Variants in PARD3B observed in about 807,000 individuals in gnomAD.
The protein encoded by PARD3B is partitioning defective 3 homolog B.
In PARD3B, 103 loss-of-function variants were observed where a neutral mutation model predicts 130.2. That is an observed-to-expected ratio of 0.79 (90% confidence interval 0.67 to 0.93). PARD3B has a LOEUF of 0.93. Among genes scored for constraint, PARD3B ranks in the 40% least tolerant of loss-of-function variants. The pLI, the probability that PARD3B is intolerant of heterozygous loss-of-function variation, is 0.00. For synonymous variants in PARD3B, 583 were observed against 553.2 expected, an observed-to-expected ratio of 1.05 and a Z score of -0.76; for missense variants, 1,609 against 1,499.2, an observed-to-expected ratio of 1.07 and a Z score of -1.21.
At chr2:204,622,596 T>C (rs995561520) in intron 1 of PARD3B, among the ~76,000 whole-genome samples, 4 of 151,744 alleles carry the variant, frequency 2.6e-5, no homozygotes, top group African/African-American at 9.7e-5. Flanking sequence ...TTTATAGAAT[T>C]ATATTTATAT....
At chr2:205,497,514 T>C (rs1488036828) in intron 20 of PARD3B, among the ~76,000 whole-genome samples, 2 of 150,800 alleles carry the variant, frequency 1.3e-5, no homozygotes, top group Non-Finnish European at 2.9e-5. Context: ...TGCTTTTAGG[T>C]ACCTCATATT....
chr2:205,459,460 A>G (rs2048377719), intron 20 of PARD3B, among the ~76,000 whole-genome samples: 1 of 152,190 alleles, frequency 6.6e-6, no homozygotes. Flanking sequence ...TTAGAAGGAT[A>G]AAAAGAAATT....
intron 18 of PARD3B, among the ~76,000 whole-genome samples, chr2:205,399,499 C>A: frequency 6.6e-6 from 1 of 151,594 alleles, no homozygotes; most frequent in Non-Finnish European, 1.5e-5. Flanking sequence ...GGACTACAGG[C>A]ATGCACCACG....
intron 18 of PARD3B, among the ~76,000 whole-genome samples, chr2:205,327,708 A>G (rs1574710161): frequency 6.6e-6 from 1 of 152,196 alleles, no homozygotes; most frequent in East Asian, 1.9e-4. Context: ...CTTTTCAAAC[A>G]AAGAGAAAGA....
chr2:205,351,124 T>C lies in PARD3B; in HGVS notation c.2630+49423T>C, dbSNP rs1182931268. ...TGATATTTTTTCAAAAGGTGAATAT[T>C]TTCTGGAATAAAATACAGAGTTGAA... On this transcript the variant is annotated intron_variant, in intron 18 of 22. Coordinates refer to ENST00000406610, the MANE Select transcript of PARD3B (RefSeq NM_001302769.2). This position sits in a 1 kb window ranked among gnomAD's most constrained non-coding sequence, Gnocchi z 4.2. 6.6e-6 allele frequency among the ~76,000 whole-genome samples: 1 copy of C among 152,188 alleles called. No homozygotes were observed. The highest frequency in any genetic ancestry group is 1.5e-5 in the Non-Finnish European group (1 of 68,022).
intron 6 of PARD3B, among the ~76,000 whole-genome samples, chr2:205,118,432 A>T: frequency 6.6e-6 from 1 of 152,208 alleles, no homozygotes; most frequent in Non-Finnish European, 1.5e-5. Flanking sequence ...GCTTCCTTCT[A>T]AACTGAGTAA....
rs112843317 is a variant in PARD3B at position 205,263,146 on chromosome 2, C to T, written c.2185+17324C>T. Among the ~76,000 whole-genome samples, 2 of 152,072 alleles carry T rather than the reference C, an allele frequency of 1.3e-5. No homozygotes were observed. The highest frequency in any genetic ancestry group is 2.4e-5 in the African/African-American group (1 of 41,404). On this transcript the variant is annotated intron_variant, in intron 16 of 22. Coordinates refer to ENST00000406610, the MANE Select transcript of PARD3B (RefSeq NM_001302769.2). This position sits in a 1 kb window ranked among gnomAD's most constrained non-coding sequence, Gnocchi z 4.0. ...GATATGTTATTCCCTTTTCTAAGCT[C>T]ATCTGTGTTCTGAATCTGTACCCAA...
intron 20 of PARD3B, among the ~76,000 whole-genome samples, chr2:205,445,759 C>T (rs147886472): frequency 6.6e-6 from 1 of 152,272 alleles, no homozygotes; most frequent in Non-Finnish European, 1.5e-5. Context: ...CATATAATGG[C>T]AGATTAAATC....
At chr2:205,210,168 C>T (rs544341472) in intron 15 of PARD3B, among the ~76,000 whole-genome samples, 2 of 151,922 alleles carry the variant, frequency 1.3e-5, no homozygotes, top group East Asian at 3.9e-4. Context: ...GAGTTTGAGA[C>T]CAGCCTCAGC....
intron 1 of PARD3B, among the ~76,000 whole-genome samples, chr2:204,586,685 A>G (rs1306050121): frequency 2.0e-5 from 3 of 152,170 alleles, no homozygotes; most frequent in Non-Finnish European, 2.9e-5. Flanking sequence ...ACTTTCCAAC[A>G]TACCCACAAG....
intron 21 of PARD3B, among the ~76,000 whole-genome samples, chr2:205,519,271 T>C (rs1559171199): frequency 6.6e-6 from 1 of 152,238 alleles, no homozygotes; most frequent in Non-Finnish European, 1.5e-5. Flanking sequence ...GTTTTGTTCA[T>C]TTTTTAAATT....
intron 22 of PARD3B, among the ~76,000 whole-genome samples, chr2:205,607,839 C>T (rs57842095): frequency 0.27 from 21,273 of 77,894 alleles, 1,608 homozygotes; most frequent in Middle Eastern, 0.37. Context: ...CATACACACA[C>T]ACACACACAC....
chr2:205,557,569 C>G (rs917331614), intron 22 of PARD3B, among the ~76,000 whole-genome samples: 1 of 152,224 alleles, frequency 6.6e-6, no homozygotes, highest in African/African-American at 2.4e-5. Flanking sequence ...CACTTACCAC[C>G]TGTGTGGCCT....
intron 18 of PARD3B, among the ~76,000 whole-genome samples, chr2:205,331,552 C>T (rs1422120418): frequency 1.3e-5 from 2 of 151,820 alleles, no homozygotes; most frequent in Non-Finnish European, 2.9e-5. Context: ...GAGGCCGAGG[C>T]GGGTGGATCA....
At chr2:204,986,871 C>T (rs1251336827) in intron 3 of PARD3B, among the ~76,000 whole-genome samples, 2 of 152,180 alleles carry the variant, frequency 1.3e-5, no homozygotes, top group Non-Finnish European at 2.9e-5. Flanking sequence ...TCTCAATAGT[C>T]ATGTGTTGCA....
chr2:205,475,941 G>T (rs888575363), intron 20 of PARD3B, among the ~76,000 whole-genome samples: 2 of 152,136 alleles, frequency 1.3e-5, no homozygotes, highest in Non-Finnish European at 2.9e-5. Context: ...GACAAGCTCT[G>T]TGATTTGGTC....
rs973463754 is a variant in PARD3B at position 205,421,129 on chromosome 2, C to CA, written c.2742-19235dup. ...CTGGTAACAGAGCAAGACTCCATCT[C>CA]AAAAAACAAAAAAAACAAAACAAAA... On this transcript the variant is annotated intron_variant, in intron 19 of 22. Transcript: ENST00000406610. This position sits in a 1 kb window ranked among gnomAD's most constrained non-coding sequence, Gnocchi z 5.1. 3.4e-5 allele frequency among the ~76,000 whole-genome samples: 5 copies of CA among 148,074 alleles called. No homozygotes were observed. Among genetic ancestry groups the CA allele is most frequent in the African/African-American group, 1.3e-4 (5 of 38,800 alleles).
At chr2:205,601,832 T>C (rs2054797419) in intron 22 of PARD3B, among the ~76,000 whole-genome samples, 1 of 145,628 alleles carries the variant, frequency 6.9e-6, no homozygotes, top group South Asian at 2.5e-4. Context: ...ACAGAGACAG[T>C]CTGACTTCCT....
chr2:205,546,014 G>A (rs923197353), intron 21 of PARD3B, among the ~76,000 whole-genome samples: 3 of 152,138 alleles, frequency 2.0e-5, no homozygotes, highest in Non-Finnish European at 4.4e-5. Context: ...GTAAAGAAAA[G>A]ACTAATAGCT....
Sources: allele counts gnomAD v4.1 joint callset (sites outside exome capture counted in the v4.1 genomes callset), GRCh38; gene constraint gnomAD v4.1.1; non-coding constraint Gnocchi (gnomAD v3.1); transcripts MANE v1.5; gene names NCBI Gene and HGNC (gene_info 2026-07-23, HGNC 2026-07-21).